Variants in TRPC6 observed in about 807,000 individuals in gnomAD.
TRPC6 encodes the protein transient receptor potential cation channel subfamily C member 6, also known as short transient receptor potential channel 6.
A neutral mutation model predicts 90.7 loss-of-function variants in TRPC6; 55 were observed. The ratio of observed to expected loss-of-function variants is 0.61; its 90% confidence interval spans 0.49 to 0.76. The LOEUF (loss-of-function observed/expected upper bound fraction) is 0.76. Ranked by LOEUF, TRPC6 falls within the 30% of genes least tolerant of loss-of-function variation. The probability of loss-of-function intolerance (pLI) is 0.00; values close to 1 mark genes in which losing one functional copy is unlikely to be tolerated. For missense variants in TRPC6, 989 were observed against 1,122.7 expected, an observed-to-expected ratio of 0.88 and a Z score of 1.70; for synonymous variants, 393 against 393.0, an observed-to-expected ratio of 1.00 and a Z score of 0.00.
rs548256731 is a variant in TRPC6, at chr11:101,522,567, C to G, written c.171-17769G>C. On this transcript the variant is annotated intron_variant, in intron 1 of 12. Coordinates refer to ENST00000344327, the MANE Select transcript of TRPC6 (RefSeq NM_004621.6). ...TATTATTTAAAAGTAAAATCTCAACCTCTAACATTCCAGGTTTACATTCCC... is the reference window on the plus strand; with the variant it reads ...TATTATTTAAAAGTAAAATCTCAACGTCTAACATTCCAGGTTTACATTCCC... 2.0e-5 allele frequency among the ~76,000 whole-genome samples: 3 copies of G among 152,326 alleles called. No homozygotes were observed. In the South Asian group the frequency reaches 6.2e-4, roughly 32 times the overall value.
intron 10 of TRPC6, among the ~76,000 whole-genome samples, chr11:101,466,267 G>A (rs923023404): frequency 8.5e-5 from 13 of 152,212 alleles, no homozygotes; most frequent in African/African-American, 1.9e-4. Context: ...TTTCAGAGCC[G>A]CCAGGCAGGG....
chr11:101,453,864 C>T, intron 11 of TRPC6, 139 bp from the exon 12 acceptor site: 1 of 796,958 alleles, frequency 1.3e-6, no homozygotes, highest in Non-Finnish European at 2.1e-6. Context: ...ATGATTCAGC[C>T]AGGATGCAGG....
At chr11:101,561,025 T>C (rs565959435) in intron 1 of TRPC6, among the ~76,000 whole-genome samples, 4 of 152,324 alleles carry the variant, frequency 2.6e-5, no homozygotes, top group African/African-American at 9.6e-5. Flanking sequence ...ATATTTTTGT[T>C]GTATTGGATT....
In TRPC6 at chr11:101,473,654, G is replaced by A. The variant is rs1398476278; in HGVS notation, c.1864C>T (p.Pro622Ser). 37 of 1,613,542 alleles carry A rather than the reference G, an allele frequency of 2.3e-5. No individual in the cohort carries two copies. The highest frequency in any genetic ancestry group is 1.6e-4 in the Middle Eastern group (1 of 6,074). Residue 622 changes from proline to serine, a missense_variant, in exon 7 of 13, where the codon CCT becomes TCT. By Grantham distance (74) the Pro-to-Ser change is moderately conservative. Around this residue, in one of 4 missense-constraint regions of TRPC6, gnomAD observed 118 missense variants for 197.6 expected, o/e 0.60. Transcript: ENST00000344327. ...YILPANESFG[P>S]LQISLGRTVK... Reference sequence around the variant, plus strand: ...GTTCTTCCAAGTGATATCTGCAGAGGTCCAAAGCTTTCATTTGCTGGTAAA... The same window carrying A: ...GTTCTTCCAAGTGATATCTGCAGAGATCCAAAGCTTTCATTTGCTGGTAAA...
Position 101,485,983 on chromosome 11 carries a change from T to C in TRPC6, c.1294-2818A>G, listed in dbSNP as rs146699984. On this transcript the variant is annotated intron_variant, in intron 4 of 12. Transcript: ENST00000344327. ...TGGCCTACTGACCTTTATGTAACACTACTCTTCCTTTATTTTATTCTAAAG... is the reference window on the plus strand; with the variant it reads ...TGGCCTACTGACCTTTATGTAACACCACTCTTCCTTTATTTTATTCTAAAG... 3.5e-3 allele frequency among the ~76,000 whole-genome samples: 536 copies of C among 152,242 alleles called. 2 individuals are homozygous for C. The highest frequency in any genetic ancestry group is 0.012 in the African/African-American group (510 of 41,542).
intron 1 of TRPC6, among the ~76,000 whole-genome samples, chr11:101,572,071 G>T (rs1187284531): frequency 6.6e-6 from 1 of 152,224 alleles, no homozygotes; most frequent in East Asian, 1.9e-4. Context: ...ACTATCATCA[G>T]ATTGAATAGG....
intron 1 of TRPC6, among the ~76,000 whole-genome samples, chr11:101,561,804 T>C (rs1451570458): frequency 6.6e-6 from 1 of 151,064 alleles, no homozygotes; most frequent in East Asian, 1.9e-4. Flanking sequence ...ATATATGTAA[T>C]ATAGATAGAA....
chr11:101,551,331 T>C (rs1421864333), intron 1 of TRPC6, among the ~76,000 whole-genome samples: 1 of 152,012 alleles, frequency 6.6e-6, no homozygotes, highest in African/African-American at 2.4e-5. Flanking sequence ...ATAAACAGTA[T>C]TGATGGCCAA....
intron 10 of TRPC6, among the ~76,000 whole-genome samples, chr11:101,459,199 G>C (rs1049830601): frequency 1.3e-5 from 2 of 152,184 alleles, no homozygotes; most frequent in Admixed American, 6.5e-5. Context: ...GACTGAGTTG[G>C]AAGTATGAGA....
At chr11:101,536,178 G>C (rs1861040412) in intron 1 of TRPC6, among the ~76,000 whole-genome samples, 1 of 152,220 alleles carries the variant, frequency 6.6e-6, no homozygotes. Flanking sequence ...TCTGAGGTCA[G>C]GAGTTTGAGA....
chr11:101,564,686 C>T (rs916080607), intron 1 of TRPC6, among the ~76,000 whole-genome samples: 4 of 151,986 alleles, frequency 2.6e-5, no homozygotes, highest in African/African-American at 9.7e-5. Context: ...TATCAAAATT[C>T]CAGTAGCATT....
intron 6 of TRPC6, among the ~76,000 whole-genome samples, 181 bp from the exon 7 acceptor site, chr11:101,473,954 G>C (rs995397462): frequency 6.6e-6 from 1 of 152,166 alleles, no homozygotes; most frequent in Non-Finnish European, 1.5e-5. Context: ...TTGAGAACAT[G>C]ACTCTCCTGG....
In TRPC6 at chr11:101,583,645, G is replaced by T; in HGVS notation, c.-142C>A. ...GTGCCCAGGGGACGACGGTGAAGCAGGGGGTGCAGACGCCCGCCGCAAGTG... is the reference window on the plus strand; with the variant it reads ...GTGCCCAGGGGACGACGGTGAAGCATGGGGTGCAGACGCCCGCCGCAAGTG... On this transcript the variant is annotated 5_prime_UTR_variant, in exon 1 of 13. The change creates a new upstream start codon in the 5' untranslated region. Transcript: ENST00000344327. 1 of 931,988 alleles carries T rather than the reference G, an allele frequency of 1.1e-6. No homozygotes were observed. The highest frequency in any genetic ancestry group is 1.5e-6 in the Non-Finnish European group (1 of 677,666). The allele number at this position is 931,988 out of a possible 1,614,324, so 57.7% of individuals were successfully genotyped here.
intron 1 of TRPC6, among the ~76,000 whole-genome samples, chr11:101,569,905 C>G (rs1468801684): frequency 6.6e-6 from 1 of 152,006 alleles, no homozygotes; most frequent in African/African-American, 2.4e-5. Context: ...TAAATGCCCA[C>G]AAGAAAAAGC....
At chr11:101,507,452 T>C (rs933631724) in intron 1 of TRPC6, among the ~76,000 whole-genome samples, 1 of 152,076 alleles carries the variant, frequency 6.6e-6, no homozygotes, top group African/African-American at 2.4e-5. Flanking sequence ...TGCTTTTGTA[T>C]TGGGGTCCTT....
At chr11:101,506,997 T>C (rs142707097) in intron 1 of TRPC6, among the ~76,000 whole-genome samples, 1 of 135,836 alleles carries the variant, frequency 7.4e-6, no homozygotes, top group East Asian at 2.2e-4. Context: ...CGTATCTCTC[T>C]CTCTCTCTAA....
intron 2 of TRPC6, among the ~76,000 whole-genome samples, chr11:101,495,314 T>G (rs1240820116): frequency 6.6e-6 from 1 of 152,210 alleles, no homozygotes; most frequent in Non-Finnish European, 1.5e-5. Flanking sequence ...CTTCTTTCTA[T>G]ATAAAGAATG....
intron 1 of TRPC6, among the ~76,000 whole-genome samples, chr11:101,575,271 T>C (rs888349689): frequency 6.6e-6 from 1 of 152,206 alleles, no homozygotes; most frequent in Admixed American, 6.5e-5. Context: ...TTGTGGATCT[T>C]TGGTAACATT....
At chr11:101,494,309 T>C (rs898258171) in intron 2 of TRPC6, among the ~76,000 whole-genome samples, 4 of 152,202 alleles carry the variant, frequency 2.6e-5, no homozygotes, top group Non-Finnish European at 4.4e-5. Context: ...GAAGTAGGGG[T>C]TCTTATTACT....
Sources: gnomAD v4.1 joint callset for allele counts (sites outside exome capture counted in the v4.1 genomes callset) on GRCh38, gnomAD v4.1.1 for gene constraint, gnomAD v4.1.1 regional missense constraint, MANE v1.5 for transcripts, NCBI Gene and HGNC (gene_info 2026-07-23, HGNC 2026-07-21) for gene names.